The following PDE11A variants were observed in gnomAD, a reference collection of about 807,000 sequenced individuals.
PDE11A encodes phosphodiesterase 11A.
In PDE11A, 100 loss-of-function variants were observed where a neutral mutation model predicts 100.5. The observed-to-expected ratio is 1.00, with a 90% confidence interval of 0.85 to 1.18. PDE11A has a LOEUF of 1.18. PDE11A is among the 50% of genes most tolerant of loss of function. PDE11A has a pLI of 0.00. For synonymous variants in PDE11A, 381 were observed against 420.8 expected (o/e 0.91, Z 1.16); for missense variants, 1,141 against 1,152.6 (o/e 0.99, Z 0.15).
intron 6 of PDE11A, among the ~76,000 whole-genome samples, chr2:177,830,533 G>A (rs113811979): frequency 0.096 from 14,555 of 151,250 alleles, 733 homozygotes; most frequent in Middle Eastern, 0.14. Context: ...CCCAGGAGGC[G>A]GAGGTTGCAG....
At chr2:177,846,228 T>C (rs1015751642) in intron 5 of PDE11A, among the ~76,000 whole-genome samples, 4 of 152,204 alleles carry the variant, frequency 2.6e-5, no homozygotes, top group Non-Finnish European at 4.4e-5. Context: ...CCTTTGCTGA[T>C]TTCTAGCAAA....
intron 11 of PDE11A, 74 bp downstream of exon 11, chr2:177,727,952 G>T: frequency 1.5e-6 from 2 of 1,338,768 alleles, no homozygotes; most frequent in Non-Finnish European, 2.1e-6. Flanking sequence ...TTGTATTTGG[G>T]AAACCAGTGG....
intron 10 of PDE11A, among the ~76,000 whole-genome samples, chr2:177,767,365 C>T (rs947113232): frequency 6.6e-6 from 1 of 151,964 alleles, no homozygotes; most frequent in African/African-American, 2.4e-5. Flanking sequence ...GGATTTTGGC[C>T]TGCTATATCT....
intron 2 of PDE11A, among the ~76,000 whole-genome samples, chr2:177,908,725 A>G (rs1412988591): frequency 6.6e-6 from 1 of 152,192 alleles, no homozygotes; most frequent in Non-Finnish European, 1.5e-5. Flanking sequence ...ACACATGGCT[A>G]GAGAGGTTCC....
At chr2:177,763,463 C>T (rs1372294265) in intron 10 of PDE11A, among the ~76,000 whole-genome samples, 2 of 152,176 alleles carry the variant, frequency 1.3e-5, no homozygotes, top group African/African-American at 4.8e-5. Flanking sequence ...GCCATGAGAA[C>T]TGAGACTGTA....
At chr2:178,043,462 T>C (rs777063335) in intron 1 of PDE11A, among the ~76,000 whole-genome samples, 1 of 152,182 alleles carries the variant, frequency 6.6e-6, no homozygotes, top group Non-Finnish European at 1.5e-5. Context: ...CTCATAACTT[T>C]GGCTTTGAAT....
chr2:178,102,837 T>C (rs963488375), intron 2 of PDE11A, among the ~76,000 whole-genome samples: 2 of 152,092 alleles, frequency 1.3e-5, no homozygotes, highest in African/African-American at 4.8e-5. Context: ...TGTCTGGAAA[T>C]AGAGTCATTG....
At chr2:177,785,499 G>A (rs77817525) in intron 9 of PDE11A, among the ~76,000 whole-genome samples, 69 of 151,734 alleles carry the variant, frequency 4.5e-4, no homozygotes, top group Non-Finnish European at 7.7e-4. Flanking sequence ...CTGAGGTACC[G>A]GGTTCATCTC....
chr2:177,925,343 C>G (rs1194379693), intron 2 of PDE11A, among the ~76,000 whole-genome samples: 1 of 151,792 alleles, frequency 6.6e-6, no homozygotes, highest in Admixed American at 6.6e-5. Flanking sequence ...TACAGTCCCA[C>G]CAACAGTGTA....
At chr2:177,708,097 C>G (rs900644387) in intron 13 of PDE11A, among the ~76,000 whole-genome samples, 2 of 152,020 alleles carry the variant, frequency 1.3e-5, no homozygotes, top group Non-Finnish European at 2.9e-5. Flanking sequence ...GCAATCGGAC[C>G]CTACAATGAA....
At chr2:177,849,858 A>AC (rs2083669151) in intron 5 of PDE11A, among the ~76,000 whole-genome samples, 1 of 152,052 alleles carries the variant, frequency 6.6e-6, no homozygotes, top group Non-Finnish European at 1.5e-5. Context: ...AAGGAGAACT[A>AC]AAACCACTGC....
At chr2:178,104,520 T>C (rs775692495) in intron 1 of PDE11A, 181 of 1,511,874 alleles carry the variant, frequency 1.2e-4, no homozygotes, top group Non-Finnish European at 1.5e-4. Flanking sequence ...AATATATATA[T>C]TAGATTTTCA....
chr2:177,905,059 G>C (rs758310021), intron 3 of PDE11A, 39 bp downstream of exon 3: 8 of 1,037,184 alleles, frequency 7.7e-6, no homozygotes, highest in Non-Finnish European at 7.7e-6. Context: ...ACCAGAAAGA[G>C]AGTTTTGAGG....
At chr2:177,667,135 A>G (rs532216952) in intron 18 of PDE11A, among the ~76,000 whole-genome samples, 1 of 152,222 alleles carries the variant, frequency 6.6e-6, no homozygotes, top group East Asian at 1.9e-4. Flanking sequence ...GCTGGTCTCG[A>G]ACTCCTGACC....
intron 1 of PDE11A, among the ~76,000 whole-genome samples, chr2:178,043,958 G>T (rs2086714097): frequency 6.6e-6 from 1 of 152,144 alleles, no homozygotes; most frequent in South Asian, 2.1e-4. Flanking sequence ...GTCCATGCTG[G>T]TGTTTAATAC....
chr2:178,000,826 T>TCA (rs554890042), intron 2 of PDE11A, among the ~76,000 whole-genome samples: 8 of 151,968 alleles, frequency 5.3e-5, no homozygotes, highest in Admixed American at 1.3e-4. Flanking sequence ...TACCCTCTCC[T>TCA]CACACACACA....
At chr2:177,647,562 A>G (rs2080241052) in intron 19 of PDE11A, among the ~76,000 whole-genome samples, 1 of 152,204 alleles carries the variant, frequency 6.6e-6, no homozygotes, top group African/African-American at 2.4e-5. Flanking sequence ...GCACCATGCA[A>G]ATATGATGAC....
chr2:178,012,345 A>T (rs1269507123), intron 2 of PDE11A, among the ~76,000 whole-genome samples: 1 of 152,218 alleles, frequency 6.6e-6, no homozygotes, highest in East Asian at 1.9e-4. Flanking sequence ...AGAATATTTT[A>T]AAACTCATAG....
intron 12 of PDE11A, among the ~76,000 whole-genome samples, chr2:177,712,334 C>G (rs933062609): frequency 1.5e-5 from 2 of 134,524 alleles, no homozygotes; most frequent in African/African-American, 5.5e-5. Context: ...AAGGAGAACA[C>G]AACCCTTCTT....
Sources: gnomAD v4.1 joint callset for allele counts (sites outside exome capture counted in the v4.1 genomes callset) on GRCh38, gnomAD v4.1.1 for gene constraint, MANE v1.5 for transcripts, NCBI Gene and HGNC (gene_info 2026-07-23, HGNC 2026-07-21) for gene names.